The following SLC4A5 variants were observed in gnomAD, a reference collection of about 807,000 sequenced individuals.
SLC4A5 encodes solute carrier family 4 member 5.
Under a neutral mutation model 120.4 loss-of-function variants are expected in SLC4A5, and 96 were observed. The ratio of observed to expected loss-of-function variants is 0.80; its 90% CI spans 0.68 to 0.94. SLC4A5 has a LOEUF of 0.94. Ranked by LOEUF, SLC4A5 falls within the 40% of genes least tolerant of loss-of-function variation. SLC4A5 has a pLI of 0.00. For synonymous variants in SLC4A5, 550 were observed against 571.1 expected (o/e 0.96, Z 0.53); for missense variants, 1,259 against 1,459.5 (o/e 0.86, Z 2.24).
chr2:74,222,691 A>G (rs1024885467), intron 29 of SLC4A5, among the ~76,000 whole-genome samples, 177 bp downstream of exon 29: 1 of 152,134 alleles, frequency 6.6e-6, no homozygotes, highest in African/African-American at 2.4e-5. Context: ...CCCACTCCCT[A>G]CTGGTCCGTG....
chr2:74,247,244 G>A (rs750258850), exon 19 of SLC4A5: 5 of 1,614,202 alleles, frequency 3.1e-6, no homozygotes, highest in Non-Finnish European at 4.2e-6. Flanking sequence ...CTAGGATAAG[G>A]CACTGGACAG....
In SLC4A5 at chr2:74,334,026, C is replaced by A. The variant is rs918197035; in HGVS notation, c.-70+1G>T. ...TTCCCCACAGGCTGGGCAGTACTCA[C>A]CACAGTATGTGCAATTTTTGGCTTC... On this transcript the variant is annotated splice_donor_variant, in intron 4 of 30. Transcript: ENST00000394019. LOFTEE classifies it low-confidence loss of function (5UTR_SPLICE). 2.6e-5 allele frequency: 4 copies of A among 152,230 alleles called. No homozygotes were observed. The highest frequency in any genetic ancestry group is 9.7e-5 in the African/African-American group (4 of 41,436). 9.4% of individuals were successfully genotyped at this position (152,230 alleles called of 1,614,324 possible).
chr2:74,253,929 C>CAACTAAA (rs1670874487), intron 14 of SLC4A5, among the ~76,000 whole-genome samples: 2 of 152,142 alleles, frequency 1.3e-5, no homozygotes, highest in South Asian at 4.1e-4. Flanking sequence ...GGAAATGCCA[C>CAACTAAA]AACTAAAAAC....
chr2:74,250,722 A>G lies in SLC4A5; in HGVS notation c.1479-205T>C, dbSNP rs1670763802. The G allele has an allele frequency of 8.6e-6, 5 of 582,336 alleles. No homozygotes were observed. The East Asian group carries it at 1.5e-4, about 17-fold the overall frequency. The allele number at this position is 582,336 out of a possible 1,614,324, so 36.1% of individuals were successfully genotyped here. A position where few individuals can be genotyped will look rare whatever the true frequency, so the allele number is the denominator to read the frequency against. On this transcript the variant is annotated intron_variant, in intron 16 of 30. Coordinates refer to ENST00000394019, the Ensembl canonical transcript of SLC4A5. ...GTGGTTGGCACCACCCACATTGGGA[A>G]GGGTGGACATAGAGGGTTTTGGAGA... is the stretch of plus-strand genomic sequence containing the variant.
intron 25 of SLC4A5, 147 bp from the exon 26 acceptor site, chr2:74,228,025 G>A: frequency 1.6e-6 from 1 of 611,006 alleles, no homozygotes; most frequent in South Asian, 2.1e-5. Context: ...TGGGATGTGG[G>A]CAGGGGTGAA....
chr2:74,338,878 T>C (rs1232654410), exon 3 of SLC4A5: 1 of 152,180 alleles, frequency 6.6e-6, no homozygotes, highest in Non-Finnish European at 1.5e-5. Flanking sequence ...CAACTCTTTA[T>C]CTGGAAGGTT....
In SLC4A5 at chr2:74,314,938, A is replaced by C; in HGVS notation, c.79+7T>G. On this transcript the variant is annotated splice_region_variant and intron_variant, in intron 6 of 30. Transcript: ENST00000394019. The stretch of plus-strand genomic sequence containing the variant: ...AGATTTGCATCAAGTCCTCAAAGTG[A>C]CCTCACCTTTCTGATCCGGAAATCT... 6.2e-7 allele frequency: 1 copy of C among 1,613,068 alleles called. No individual in the cohort carries two copies. The highest frequency in any genetic ancestry group is 8.5e-7 in the Non-Finnish European group (1 of 1,179,214).
At chr2:74,332,300 C>CT (rs1419851580) in intron 4 of SLC4A5, among the ~76,000 whole-genome samples, 1 of 151,774 alleles carries the variant, frequency 6.6e-6, no homozygotes, top group East Asian at 2.0e-4. Context: ...TTCTATGTGT[C>CT]TAAGTGAAAT....
exon 31 of SLC4A5, chr2:74,218,494 A>C (rs1025248807): frequency 6.6e-6 from 1 of 152,182 alleles, no homozygotes; most frequent in Non-Finnish European, 1.5e-5. Context: ...TCATCAATAG[A>C]TCTCCAGTTT....
At chr2:74,314,022 A>G (rs1014032525) in intron 6 of SLC4A5, among the ~76,000 whole-genome samples, 2 of 152,230 alleles carry the variant, frequency 1.3e-5, no homozygotes, top group African/African-American at 4.8e-5. Context: ...TTCTGAAAAG[A>G]TAGAATGGGA....
Position 74,265,052 on chromosome 2 carries a change from C to G in SLC4A5, c.562+52G>C. 1.9e-6 allele frequency: 3 copies of G among 1,570,312 alleles called. No homozygotes were observed. In the South Asian group the frequency reaches 3.5e-5, roughly 18 times the overall value. On this transcript the variant is annotated intron_variant, in intron 9 of 30. Transcript: ENST00000394019. Reference sequence around the variant, plus strand: ...GGCAGGCATGAGGTCAGGGGAGCTGCCCTGGTTTGCAGGGACCACAGGAGA... The same window carrying G: ...GGCAGGCATGAGGTCAGGGGAGCTGGCCTGGTTTGCAGGGACCACAGGAGA...
intron 7 of SLC4A5, among the ~76,000 whole-genome samples, chr2:74,297,047 C>A (rs1672351826): frequency 6.6e-6 from 1 of 152,012 alleles, no homozygotes; most frequent in Admixed American, 6.6e-5. Context: ...TAATTTTGAT[C>A]TTTTGGTGAT....
intron 30 of SLC4A5, among the ~76,000 whole-genome samples, chr2:74,220,841 CTT>C (rs60945273): frequency 2.8e-4 from 33 of 117,418 alleles, no homozygotes; most frequent in Admixed American, 7.5e-4. Context: ...TATTTCCTTT[CTT>C]TTTTTTTTTT....
At chr2:74,226,861 G>T in intron 27 of SLC4A5, 96 bp downstream of exon 27, 1 of 1,416,144 alleles carries the variant, frequency 7.1e-7, no homozygotes, top group Non-Finnish European at 9.7e-7. Flanking sequence ...CAGCTGACAG[G>T]AAGGCAGAAG....
intron 6 of SLC4A5, among the ~76,000 whole-genome samples, chr2:74,314,362 G>A (rs1672899575): frequency 6.6e-6 from 1 of 151,908 alleles, no homozygotes; most frequent in Admixed American, 6.6e-5. Context: ...TTTCTTGCTT[G>A]ACAGCTCCAG....
At chr2:74,219,176 GGTGTGTGTGTGTGTGTGTGTGTGT>G (rs58141033) in intron 30 of SLC4A5, among the ~76,000 whole-genome samples, 9 of 134,264 alleles carry the variant, frequency 6.7e-5, no homozygotes, top group South Asian at 2.5e-4. Flanking sequence ...GCTCTTTGGA[GGTGTGTGTGTGTGTGTGTGTGTGT>G]GTGTGTGTGT....
exon 15 of SLC4A5, chr2:74,252,979 G>A: frequency 6.2e-7 from 1 of 1,614,082 alleles, no homozygotes; most frequent in East Asian, 2.2e-5. Flanking sequence ...CACACCTCTT[G>A]TCAGCAGAGG....
At chr2:74,290,416 AG>A (rs1672119865) in intron 7 of SLC4A5, 2 of 985,098 alleles carry the variant, frequency 2.0e-6, no homozygotes, top group African/African-American at 3.5e-5. Context: ...GGAGAGAAGA[AG>A]GGGGGTTTGA....
chr2:74,220,900 G>C (rs1382673303), intron 30 of SLC4A5, among the ~76,000 whole-genome samples: 1 of 147,122 alleles, frequency 6.8e-6, no homozygotes, highest in Non-Finnish European at 1.5e-5. Context: ...GAGTGCAGTG[G>C]CGCGATCTCG....
Sources: allele counts gnomAD v4.1 joint callset (sites outside exome capture counted in the v4.1 genomes callset), GRCh38; gene constraint gnomAD v4.1.1; transcripts MANE v1.5; gene names NCBI Gene and HGNC (gene_info 2026-07-23, HGNC 2026-07-21).